NIBAN3: variants seen among roughly 807,000 people sequenced by gnomAD.
NIBAN3 encodes the protein protein Niban 3.
A neutral mutation model predicts 76.4 loss-of-function variants in NIBAN3; 66 were observed. That is an observed-to-expected ratio of 0.86 (90% CI 0.71 to 1.06). The LOEUF is 1.06. NIBAN3 is among the 50% of genes least tolerant of loss of function. The pLI, the probability that NIBAN3 is intolerant of heterozygous loss-of-function variation, is 0.00. For missense variants in NIBAN3, 808 were observed against 810.7 expected, an observed-to-expected ratio of 1.00 and a Z score of 0.04; for synonymous variants, 360 against 355.2, an observed-to-expected ratio of 1.01 and a Z score of -0.15.
At chr19:17,536,697 G>A (rs1459737381) in intron 4 of NIBAN3, among the ~76,000 whole-genome samples, 1 of 152,164 alleles carries the variant, frequency 6.6e-6, no homozygotes, top group African/African-American at 2.4e-5. Context: ...GAGCCACCGC[G>A]GCTGGTCCCC....
rs540817059 is a variant in NIBAN3 at position 17,532,272 on chromosome 19, C to T, written c.196C>T (p.Arg66Ter). Reference sequence around the variant, plus strand: ...CTCCCTCTTTCTGCAGAAGCTGCCCCGAGTCCGTGAGCACCGAGGACCCCT... The same window carrying T: ...CTCCCTCTTTCTGCAGAAGCTGCCCTGAGTCCGTGAGCACCGAGGACCCCT... ...SQLLRSKKLP[R>*]VREHRGPLTQ... is the part of the protein sequence containing the mutation. The change falls in exon 3 of 15, where the codon CGA becomes TGA. Residue 66 changes from arginine (R) to a stop codon, truncating the protein, a stop_gained. Coordinates refer to ENST00000599164, the MANE Select transcript of NIBAN3 (RefSeq NM_001321827.2). LOFTEE classifies it high-confidence loss of function. 23 of 1,610,448 alleles carry T rather than the reference C, an allele frequency of 1.4e-5. No homozygotes were observed. Among genetic ancestry groups the T allele is most frequent in the South Asian group, 5.5e-5 (5 of 90,798 alleles).
At position 17,539,142 on chromosome 19, in the gene NIBAN3, C is replaced by G. The variant is rs368594056; in HGVS notation, c.596-8C>G. The G allele has an allele frequency of 2.5e-6, 4 of 1,573,332 alleles. No individual in the cohort carries two copies. In the African/African-American group the frequency reaches 5.4e-5, roughly 21 times the overall value. On this transcript the variant is annotated splice_region_variant and splice_polypyrimidine_tract_variant and intron_variant, in intron 5 of 14. Transcript: ENST00000599164. ...TACCAGCAGGCACTGAGGAGCAGCCCCTCTCAGTCCTGCAGCGAAGCCAGG... is the reference window on the plus strand; with the variant it reads ...TACCAGCAGGCACTGAGGAGCAGCCGCTCTCAGTCCTGCAGCGAAGCCAGG...
downstream of NIBAN3, among the ~76,000 whole-genome samples, chr19:17,554,032 C>T (rs532663606): frequency 3.3e-5 from 5 of 152,048 alleles, no homozygotes; most frequent in South Asian, 2.1e-4. Flanking sequence ...CCACCATGAC[C>T]GGCTAATTTT....
At chr19:17,555,332 A>G (rs554560553), downstream of NIBAN3, among the ~76,000 whole-genome samples, 2 of 152,248 alleles carry the variant, frequency 1.3e-5, no homozygotes, top group South Asian at 4.1e-4. Flanking sequence ...GGTCCTAAGT[A>G]GCCAAGTCCG....
chr19:17,539,666 C>A lies in NIBAN3; in HGVS notation c.880C>A (p.Pro294Thr), dbSNP rs749500381. The A allele has an allele frequency of 8.6e-5, 135 of 1,563,506 alleles. No homozygotes were observed. The highest frequency in any genetic ancestry group is 1.1e-4 in the Non-Finnish European group (128 of 1,154,168). Reference sequence around the variant, plus strand: ...CTCCGCCGGGCTCTGCGCCTTCCAGCCCGAAAAGGACGAGCTGCTTGCGTC... The same window carrying A: ...CTCCGCCGGGCTCTGCGCCTTCCAGACCGAAAAGGACGAGCTGCTTGCGTC... ...GASAGLCAFQ[P>T]EKDELLASLE... The change falls in exon 8 of 15, where the codon CCC becomes ACC. Residue 294 changes from proline (P) to threonine (T), a missense_variant. Coordinates refer to ENST00000599164, the MANE Select transcript of NIBAN3 (RefSeq NM_001321827.2).
chr19:17,532,522 A>G (rs777144938), intron 3 of NIBAN3, 134 bp downstream of exon 3: 65 of 1,427,434 alleles, frequency 4.6e-5, no homozygotes, highest in Non-Finnish European at 6.1e-5. Context: ...TTGTGCCCCT[A>G]TGTGTTTGGC....
At chr19:17,541,644 CTTATTTTATTTTATT>C (rs10528626) in intron 9 of NIBAN3, among the ~76,000 whole-genome samples, 76,487 of 136,848 alleles carry the variant, frequency 0.56, 22,777 homozygotes, top group Middle Eastern at 0.67. Flanking sequence ...CTCACTGCTA[CTTATTTTATTTTATT>C]TTATTTTATT....
At position 17,540,547 on chromosome 19, in the gene NIBAN3, C is replaced by G. The variant is rs1191389891; in HGVS notation, c.1135C>G (p.Arg379Gly). The change falls in exon 9 of 15, where the codon CGC (arginine) becomes GGC (glycine). Residue 379 changes from arginine to glycine, a missense_variant. Coordinates refer to ENST00000599164, the MANE Select transcript of NIBAN3 (RefSeq NM_001321827.2). ...CATGGACCGACTGTCCCACCGCCTGCGCCAGAGCCCCTCAGGCACGCGGCT... is the reference window on the plus strand; with the variant it reads ...CATGGACCGACTGTCCCACCGCCTGGGCCAGAGCCCCTCAGGCACGCGGCT... ...QGMDRLSHRL[R>G]QSPSGTRLRR... 1.9e-6 allele frequency: 3 copies of G among 1,557,344 alleles called. No homozygotes were observed. The highest frequency in any genetic ancestry group is 2.3e-5 in the South Asian group (2 of 85,108).
At position 17,529,825 on chromosome 19, in the gene NIBAN3, C is replaced by G. The variant is rs1281306760; in HGVS notation, c.56-930C>G. On this transcript the variant is annotated intron_variant, in intron 1 of 14. Transcript: ENST00000599164. ...CTGTATTCCCAGCGCTTTGAGAAAC[C>G]AAGGTGGGAGGATTGCTTGAGGCCA... Among the ~76,000 whole-genome samples the G allele has an allele frequency of 2.6e-5, 4 of 152,072 alleles. No homozygotes were observed. In the South Asian group the frequency reaches 8.3e-4, roughly 32 times the overall value.
In NIBAN3 at chr19:17,546,743, G is replaced by A. The variant is rs1210929555; in HGVS notation, c.1612G>A (p.Glu538Lys). Residue 538 changes from glutamate (E) to lysine (K), a missense_variant, in exon 13 of 15, where the codon GAG (glutamate) becomes AAG (lysine). Glu to Lys is a moderately conservative substitution (Grantham distance 56). Coordinates refer to ENST00000599164, the MANE Select transcript of NIBAN3 (RefSeq NM_001321827.2). ...CGTGGGCAGCCAGGCTCTGACCACTGAGGGCATCTATGAGGACGTCATCCG... is the reference window on the plus strand; with the variant it reads ...CGTGGGCAGCCAGGCTCTGACCACTAAGGGCATCTATGAGGACGTCATCCG... ...LAVGSQALTT[E>K]GIYEDVIRGC... 2.5e-6 allele frequency: 4 copies of A among 1,606,054 alleles called. No individual in the cohort carries two copies. The highest frequency in any genetic ancestry group is 3.4e-6 in the Non-Finnish European group (4 of 1,177,092).
downstream of NIBAN3, among the ~76,000 whole-genome samples, chr19:17,554,028 T>C (rs563764237): frequency 1.3e-5 from 2 of 152,102 alleles, no homozygotes; most frequent in East Asian, 3.9e-4. Flanking sequence ...AGCGCCACCA[T>C]GACCGGCTAA....
chr19:17,532,436 A>C, intron 3 of NIBAN3, 48 bp downstream of exon 3: 1 of 1,613,026 alleles, frequency 6.2e-7, no homozygotes, highest in Non-Finnish European at 8.5e-7. Context: ...CCTCCTTCCC[A>C]CCCCCGTCAG....
At position 17,542,217 on chromosome 19, in the gene NIBAN3, T is replaced by G; in HGVS notation, c.1252T>G (p.Leu418Val). 6.2e-7 allele frequency: 1 copy of G among 1,614,082 alleles called. No homozygotes were observed. The highest frequency in any genetic ancestry group is 8.5e-7 in the Non-Finnish European group (1 of 1,179,990). Residue 418 changes from leucine (L) to valine (V), a missense_variant, in exon 10 of 15, where the codon TTG (leucine) becomes GTG (valine). Leu to Val is a conservative substitution (Grantham distance 32). Coordinates refer to ENST00000599164, the MANE Select transcript of NIBAN3 (RefSeq NM_001321827.2). This position sits in a 1 kb window ranked among gnomAD's most constrained non-coding sequence, Gnocchi z 4.8. Reference sequence around the variant, plus strand: ...TGAGGCCGAGCGGAGCCGGGGGCGCTTGGGGCAGCTGGCAGCACCGTTTGG... The same window carrying G: ...TGAGGCCGAGCGGAGCCGGGGGCGCGTGGGGCAGCTGGCAGCACCGTTTGG... ...YREAERSRGR[L>V]GQLAAPFGFL...
intron 13 of NIBAN3, 40 bp from the exon 14 acceptor site, chr19:17,549,404 G>C: frequency 6.9e-7 from 1 of 1,451,304 alleles, no homozygotes; most frequent in Non-Finnish European, 9.5e-7. Flanking sequence ...CTTGATGCCT[G>C]GGCTTCCCCA....
upstream of NIBAN3, among the ~76,000 whole-genome samples, chr19:17,525,489 A>G (rs897478390): frequency 3.3e-5 from 5 of 152,222 alleles, no homozygotes; most frequent in Admixed American, 6.5e-5. Flanking sequence ...TGGGACATAA[A>G]GGTCGCGCCC....
At chr19:17,530,994 C>T (rs2075711487) in intron 2 of NIBAN3, 109 bp downstream of exon 2, 1 of 1,247,446 alleles carries the variant, frequency 8.0e-7, no homozygotes. Context: ...CATAGGATGA[C>T]TTTAAATATG....
At chr19:17,523,381 A>G (rs2075575489), upstream of NIBAN3, 4 of 1,506,540 alleles carry the variant, frequency 2.7e-6, no homozygotes, top group South Asian at 2.5e-5. Flanking sequence ...CAGAAAGTGA[A>G]GTTTGCTTCA....
At chr19:17,523,928 G>A (rs981577320), upstream of NIBAN3, among the ~76,000 whole-genome samples, 5 of 152,036 alleles carry the variant, frequency 3.3e-5, no homozygotes, top group Non-Finnish European at 5.9e-5. Context: ...TTGCTCTGTC[G>A]TCCAGGCTGG....
At chr19:17,541,646 TATTTTA>T (rs1302652517) in intron 9 of NIBAN3, among the ~76,000 whole-genome samples, 1 of 2,508 alleles carries the variant, frequency 4.0e-4, no homozygotes, top group Non-Finnish European at 9.7e-4. Context: ...CACTGCTACT[TATTTTA>T]TTTTATTTTA....
Sources: gnomAD v4.1 joint callset for allele counts (sites outside exome capture counted in the v4.1 genomes callset) on GRCh38, gnomAD v4.1.1 for gene constraint, Gnocchi (gnomAD v3.1) non-coding constraint, MANE v1.5 for transcripts, NCBI Gene and HGNC (gene_info 2026-07-23, HGNC 2026-07-21) for gene names.